ARAP2: variants seen among roughly 807,000 people sequenced by gnomAD.
ARAP2 encodes the protein arf-GAP with Rho-GAP domain, ANK repeat and PH domain-containing protein 2.
ARAP2 carries 148 observed loss-of-function variants against 194.5 expected under a neutral mutation model. The observed-to-expected ratio is 0.76, with a 90% CI of 0.67 to 0.87. The LOEUF (loss-of-function observed/expected upper bound fraction) is 0.87, where lower values mean the gene tolerates loss of function less well. Ranked by LOEUF, ARAP2 falls within the 40% of genes least tolerant of loss-of-function variation. The probability of loss-of-function intolerance (pLI) is 0.00; values close to 1 mark genes in which losing one functional copy is unlikely to be tolerated. For missense variants in ARAP2, 2,128 were observed against 1,989.7 expected (o/e 1.07, Z -1.32); for synonymous variants, 695 against 683.5 (o/e 1.02, Z -0.26).
chr4:36,036,863 C>T (rs1720019479), intron 5 of ARAP2, among the ~76,000 whole-genome samples: 3 of 152,088 alleles, frequency 2.0e-5, no homozygotes, highest in African/African-American at 7.2e-5. Context: ...ATTTTATATA[C>T]TCTTTGTAAT....
chr4:36,159,971 T>C, intron 13 of ARAP2: 2 of 543,572 alleles, frequency 3.7e-6, no homozygotes, highest in Non-Finnish European at 4.7e-6. Context: ...GCAAAGCAAA[T>C]TCAGGATCTT....
intron 5 of ARAP2, among the ~76,000 whole-genome samples, chr4:36,020,335 C>T (rs953472339): frequency 2.0e-5 from 3 of 152,130 alleles, no homozygotes; most frequent in Admixed American, 1.3e-4. Context: ...TGCTTGAACT[C>T]GGGAGGCAGA....
chr4:36,144,774 A>G (rs758217314), intron 19 of ARAP2, among the ~76,000 whole-genome samples: 10 of 151,872 alleles, frequency 6.6e-5, no homozygotes, highest in Non-Finnish European at 1.3e-4. Flanking sequence ...ACAAGATAAG[A>G]TTGAACTGCA....
intron 28 of ARAP2, among the ~76,000 whole-genome samples, chr4:36,087,908 C>T (rs1712346653): frequency 6.6e-6 from 1 of 152,032 alleles, no homozygotes. Flanking sequence ...TGATTTTGGA[C>T]AAGTTATGTA....
At chr4:36,144,645 G>A (rs1001780158) in intron 19 of ARAP2, among the ~76,000 whole-genome samples, 1 of 151,884 alleles carries the variant, frequency 6.6e-6, no homozygotes, top group Non-Finnish European at 1.5e-5. Flanking sequence ...GTCGTCCCAT[G>A]AAGTTGAAGG....
At chr4:36,236,969 T>G (rs956623267) in intron 1 of ARAP2, among the ~76,000 whole-genome samples, 1 of 152,246 alleles carries the variant, frequency 6.6e-6, no homozygotes, top group Admixed American at 6.5e-5. Context: ...CAAGTGTCCC[T>G]GCAATACACC....
intron 31 of ARAP2, among the ~76,000 whole-genome samples, chr4:36,076,564 T>A (rs1036381734): frequency 3.9e-5 from 6 of 151,998 alleles, no homozygotes; most frequent in Non-Finnish European, 7.4e-5. Flanking sequence ...GCTTTAAATT[T>A]TGAAATGTCC....
At chr4:36,099,520 T>G (rs1166599391) in intron 27 of ARAP2, among the ~76,000 whole-genome samples, 1 of 152,094 alleles carries the variant, frequency 6.6e-6, no homozygotes. Context: ...TCACTTTTAT[T>G]TGAGCTACTC....
chr4:36,215,525 A>G (rs1337001247), intron 2 of ARAP2, among the ~76,000 whole-genome samples: 1 of 152,226 alleles, frequency 6.6e-6, no homozygotes, highest in Admixed American at 6.5e-5. Context: ...GTAACATCTG[A>G]GTAGGAAAGA....
At chr4:36,220,415 C>G (rs1233612216) in intron 2 of ARAP2, among the ~76,000 whole-genome samples, 2 of 152,094 alleles carry the variant, frequency 1.3e-5, no homozygotes, top group African/African-American at 4.8e-5. Context: ...CTGGTGCAAG[C>G]AAATCCACTG....
chr4:36,006,923 CTGTAGT>C (rs1328423943), exon 10 of ARAP2: 1 of 151,928 alleles, frequency 6.6e-6, no homozygotes, highest in Non-Finnish European at 1.5e-5. Flanking sequence ...TGGTGTGAGC[CTGTAGT>C]CCCAGCTACT....
chr4:36,196,646 C>A (rs938315622), intron 6 of ARAP2, among the ~76,000 whole-genome samples: 3 of 152,088 alleles, frequency 2.0e-5, no homozygotes, highest in Admixed American at 6.6e-5. Context: ...TGAGAAACCA[C>A]AGGGTGTAGC....
At chr4:36,091,480 A>G (rs1186967123) in intron 28 of ARAP2, among the ~76,000 whole-genome samples, 1 of 152,192 alleles carries the variant, frequency 6.6e-6, no homozygotes, top group Non-Finnish European at 1.5e-5. Context: ...TAGGAAAGAT[A>G]CTAATAAGAT....
At chr4:36,178,128 A>C in intron 8 of ARAP2, 123 bp from the exon 9 acceptor site, 1 of 795,166 alleles carries the variant, frequency 1.3e-6, no homozygotes, top group Non-Finnish European at 1.9e-6. Flanking sequence ...CACAACCACA[A>C]TCTAAATGCT....
At chr4:36,027,720 C>CAG (rs1354299727) in intron 5 of ARAP2, among the ~76,000 whole-genome samples, 1 of 152,086 alleles carries the variant, frequency 6.6e-6, no homozygotes, top group African/African-American at 2.4e-5. Flanking sequence ...CATCATGACA[C>CAG]AGAGAGGTTA....
Position 36,165,078 on chromosome 4 carries a change from C to A in ARAP2, c.2009G>T (p.Trp670Leu). 6.2e-7 allele frequency: 1 copy of A among 1,614,084 alleles called. No individual in the cohort carries two copies. The highest frequency in any genetic ancestry group is 8.5e-7 in the Non-Finnish European group (1 of 1,179,940). Residue 670 changes from tryptophan to leucine, a missense_variant, in exon 11 of 33, where the codon TGG (tryptophan) becomes TTG (leucine). By Grantham distance (61) the Trp-to-Leu change is moderately conservative. Transcript: ENST00000303965. Reference sequence around the variant, plus strand: ...TATTGATTGCTGCACAGCTTCAATCCAGTCTTGTTTCTCCTTTTCAGTCTC... The same window carrying A: ...TATTGATTGCTGCACAGCTTCAATCAAGTCTTGTTTCTCCTTTTCAGTCTC... ...TAETEKEKQDWIEAVQQSIAE... is the reference protein window; with the variant it reads ...TAETEKEKQDLIEAVQQSIAE...
Position 36,128,750 on chromosome 4 carries a change from G to T in ARAP2, c.3428-5C>A. Reference sequence around the variant, plus strand: ...AGATATATTTGCATCCTAAACCTTTGTTTAAAAAAAAAAAGTTATACTTTA... The same window carrying T: ...AGATATATTTGCATCCTAAACCTTTTTTTAAAAAAAAAAAGTTATACTTTA... On this transcript the variant is annotated splice_region_variant and splice_polypyrimidine_tract_variant and intron_variant, in intron 20 of 32. Transcript: ENST00000303965. 7.0e-7 allele frequency: 1 copy of T among 1,424,288 alleles called. No individual in the cohort carries two copies. The highest frequency in any genetic ancestry group is 9.2e-7 in the Non-Finnish European group (1 of 1,091,012). The allele number at this position is 1,424,288 out of a possible 1,614,324, so 88.2% of individuals were successfully genotyped here.
intron 24 of ARAP2, among the ~76,000 whole-genome samples, chr4:36,119,281 A>G (rs1722115860): frequency 6.6e-6 from 1 of 151,526 alleles, no homozygotes; most frequent in Non-Finnish European, 1.5e-5. Flanking sequence ...TAGTTTCAAA[A>G]TAACAATAGA....
chr4:36,136,277 A>G (rs746123786), intron 19 of ARAP2, among the ~76,000 whole-genome samples: 1 of 151,844 alleles, frequency 6.6e-6, no homozygotes, highest in Non-Finnish European at 1.5e-5. Flanking sequence ...CAATCTGAAA[A>G]GTAATGTTGA....
Sources: gnomAD v4.1 joint callset for allele counts (sites outside exome capture counted in the v4.1 genomes callset) on GRCh38, gnomAD v4.1.1 for gene constraint, MANE v1.5 for transcripts, NCBI Gene and HGNC (gene_info 2026-07-23, HGNC 2026-07-21) for gene names.